DDX24: variants seen among roughly 807,000 people sequenced by gnomAD.
DDX24 encodes ATP-dependent RNA helicase DDX24.
In DDX24, 24 loss-of-function variants were observed where a neutral mutation model predicts 68.9. The observed-to-expected ratio is 0.35, with a 90% CI of 0.25 to 0.49. DDX24 has a LOEUF of 0.49. DDX24 is among the 20% of genes least tolerant of loss of function. The probability of loss-of-function intolerance (pLI) is 0.99; values close to 1 mark genes in which losing one functional copy is unlikely to be tolerated. For missense variants in DDX24, 989 were observed against 1,039.0 expected, an observed-to-expected ratio of 0.95 and a Z score of 0.66; for synonymous variants, 395 against 385.2, an observed-to-expected ratio of 1.03 and a Z score of -0.30.
intron 2 of DDX24, among the ~76,000 whole-genome samples, chr14:94,073,354 G>A (rs1885872231): frequency 2.0e-5 from 3 of 152,124 alleles, no homozygotes; most frequent in African/African-American, 4.8e-5. Context: ...CAAAGTGCTG[G>A]GATTACAGAT....
chr14:94,079,710 C>T lies in DDX24; in HGVS notation c.33G>A (p.Lys11=). 1 of 1,614,046 alleles carries T rather than the reference C, an allele frequency of 6.2e-7. No homozygotes were observed. The highest frequency in any genetic ancestry group is 8.5e-7 in the Non-Finnish European group (1 of 1,179,988). The change falls in exon 2 of 9, where the codon AAG becomes AAA. Residue 11 remains lysine (K), a synonymous_variant. Coordinates refer to ENST00000621632, the MANE Select transcript of DDX24 (RefSeq NM_020414.4). The part of the protein sequence containing the change: MKLKDTKSRP[K]QSSCGKFQTK... ...TCTGAAATTTGCCACAGCTTGACTGCTTTGGCCTTGATTTTGTGTCCTTCA... is the reference window on the plus strand; with the variant it reads ...TCTGAAATTTGCCACAGCTTGACTGTTTTGGCCTTGATTTTGTGTCCTTCA...
At chr14:94,053,456 A>G in intron 7 of DDX24, 5 of 204,658 alleles carry the variant, frequency 2.4e-5, no homozygotes, top group South Asian at 7.2e-5. Flanking sequence ...CAATCTTTCC[A>G]CTTCAGCCTC....
At chr14:94,073,086 C>CTTTT (rs10716706) in intron 2 of DDX24, among the ~76,000 whole-genome samples, 2 of 125,682 alleles carry the variant, frequency 1.6e-5, no homozygotes, top group African/African-American at 6.0e-5. Context: ...ATTTTCTTTT[C>CTTTT]TTTTTTTTTT....
At chr14:94,070,762 G>T (rs1407805342) in intron 2 of DDX24, among the ~76,000 whole-genome samples, 1 of 152,192 alleles carries the variant, frequency 6.6e-6, no homozygotes. Flanking sequence ...AGTGGGGAAA[G>T]GACATTGTTT....
chr14:94,050,423 G>A lies in DDX24; in HGVS notation c.*768C>T, dbSNP rs994544146. ...AGAAGGCCAAAAGGCAATCCAGACC[G>A]AGGGAAAAGCCTATTCTGCACAAAG... On this transcript the variant is annotated 3_prime_UTR_variant, in exon 9 of 9. Transcript: ENST00000621632. The A allele has an allele frequency of 1.3e-5, 2 of 152,372 alleles. No individual in the cohort carries two copies. Among genetic ancestry groups the A allele is most frequent in the Admixed American group, 6.5e-5 (1 of 15,284 alleles). The allele number at this position is 152,372 out of a possible 1,614,324, so 9.4% of individuals were successfully genotyped here. A position where few individuals can be genotyped will look rare whatever the true frequency, so the allele number is the denominator to read the frequency against.
chr14:94,078,989 C>G (rs1227717032), intron 2 of DDX24, 36 bp downstream of exon 2: 9 of 1,583,814 alleles, frequency 5.7e-6, no homozygotes, highest in African/African-American at 1.4e-5. Flanking sequence ...GGGCTCAATC[C>G]AGAAGCAATC....
At chr14:94,057,411 A>G (rs1363690438) in intron 6 of DDX24, 1 of 164,574 alleles carries the variant, frequency 6.1e-6, no homozygotes, top group East Asian at 1.7e-4. Context: ...CATTTAATAC[A>G]TGAGAAAACT....
chr14:94,066,605 C>T (rs1021746298), intron 2 of DDX24, among the ~76,000 whole-genome samples: 2 of 152,210 alleles, frequency 1.3e-5, no homozygotes, highest in South Asian at 2.1e-4. Context: ...CCATCTCCAC[C>T]GGAACAGGCG....
rs559352746 is a variant in DDX24, at chr14:94,050,217, T to G, written c.*974A>C. On this transcript the variant is annotated 3_prime_UTR_variant, in exon 9 of 9. Transcript: ENST00000621632. ...GGAAGTCCCTAGTTCCCTGAGCACA[T>G]ATTTATACCAGGCTGACCAAGCCTT... 1.3e-5 allele frequency: 2 copies of G among 152,172 alleles called. No individual in the cohort carries two copies. Among genetic ancestry groups the G allele is most frequent in the South Asian group, 2.1e-4 (1 of 4,830 alleles). 9.4% of individuals were successfully genotyped at this position (152,172 alleles called of 1,614,324 possible).
At chr14:94,068,411 A>T (rs1245464772) in intron 2 of DDX24, among the ~76,000 whole-genome samples, 1 of 152,236 alleles carries the variant, frequency 6.6e-6, no homozygotes, top group Non-Finnish European at 1.5e-5. Flanking sequence ...ACACAATAAT[A>T]GTGGGGGACT....
intron 1 of DDX24, among the ~76,000 whole-genome samples, chr14:94,080,655 A>T (rs538573917): frequency 8.0e-4 from 122 of 152,272 alleles, no homozygotes; most frequent in African/African-American, 2.8e-3. Context: ...CGAGGAGAGC[A>T]CGTTCGCACA....
At position 94,050,339 on chromosome 14, in the gene DDX24, A is replaced by T. The variant is rs1885365463; in HGVS notation, c.*852T>A. On this transcript the variant is annotated 3_prime_UTR_variant, in exon 9 of 9. Transcript: ENST00000621632. ...GGGACACTAAGGGAGCCCCAGGAGA[A>T]GCACTGCTTCCCCTTAGAGGCTCAG... is the stretch of plus-strand genomic sequence containing the variant. The T allele has an allele frequency of 6.6e-6, 1 of 152,290 alleles. No individual in the cohort carries two copies. The highest frequency in any genetic ancestry group is 1.5e-5 in the Non-Finnish European group (1 of 68,092). The allele number at this position is 152,290 out of a possible 1,614,324, so 9.4% of individuals were successfully genotyped here.
At chr14:94,058,683 A>G (rs1046964646) in intron 5 of DDX24, among the ~76,000 whole-genome samples, 2 of 152,178 alleles carry the variant, frequency 1.3e-5, no homozygotes, top group African/African-American at 4.8e-5. Flanking sequence ...GCTTCAAAAC[A>G]TAAGACTCTG....
chr14:94,050,885 T>TAAA lies in DDX24; in HGVS notation c.*303_*305dup, dbSNP rs34711184. The stretch of plus-strand genomic sequence containing the variant: ...TACACCACCACCCCCATCTTCTATC[T>TAAA]AAAAAAAAAAAAAAAAAATCAGGAT... On this transcript the variant is annotated 3_prime_UTR_variant, in exon 9 of 9. Coordinates refer to ENST00000621632, the MANE Select transcript of DDX24 (RefSeq NM_020414.4). 128 of 226,504 alleles carry TAAA rather than the reference T, an allele frequency of 5.7e-4. No individual in the cohort carries two copies. The highest frequency in any genetic ancestry group is 2.6e-3 in the East Asian group (31 of 11,960). The allele number at this position is 226,504 out of a possible 1,614,324, so 14.0% of individuals were successfully genotyped here.
chr14:94,051,477 C>CAA lies in DDX24; in HGVS notation c.2309-17_2309-16dup, dbSNP rs747363567. 2 of 1,519,298 alleles carry CAA rather than the reference C, an allele frequency of 1.3e-6. No individual in the cohort carries two copies. Among genetic ancestry groups the CAA allele is most frequent in the African/African-American group, 2.8e-5 (2 of 71,624 alleles). The allele number at this position is 1,519,298 out of a possible 1,614,324, so 94.1% of individuals were successfully genotyped here. The stretch of plus-strand genomic sequence containing the variant: ...AGCTTTTCCTCCTTGAAACACAATA[C>CAA]AAAAACGATCCTATTTACTATGGTT... On this transcript the variant is annotated splice_polypyrimidine_tract_variant and intron_variant, in intron 8 of 8. Transcript: ENST00000621632.
At chr14:94,072,880 CA>C (rs1316154529) in intron 2 of DDX24, among the ~76,000 whole-genome samples, 1 of 151,074 alleles carries the variant, frequency 6.6e-6, no homozygotes, top group Non-Finnish European at 1.5e-5. Context: ...ACCACTTGTA[CA>C]CCAATAACTT....
intron 5 of DDX24, 49 bp downstream of exon 5, chr14:94,060,049 C>A: frequency 6.4e-7 from 1 of 1,550,436 alleles, no homozygotes; most frequent in Non-Finnish European, 8.7e-7. Context: ...ACCCCTTTTA[C>A]CCCAGTAACT....
chr14:94,062,074 T>G (rs1335992836), intron 3 of DDX24, 23 bp downstream of exon 3: 2 of 1,572,202 alleles, frequency 1.3e-6, no homozygotes, highest in Non-Finnish European at 1.7e-6. Context: ...AGAAAATATT[T>G]ATTAAATGGA....
chr14:94,076,929 CCT>C (rs1490393467), intron 2 of DDX24, among the ~76,000 whole-genome samples: 1 of 152,168 alleles, frequency 6.6e-6, no homozygotes, highest in African/African-American at 2.4e-5. Flanking sequence ...ACCAACCCCT[CCT>C]CTTTCTACTC....
Sources: gnomAD v4.1 joint callset for allele counts (sites outside exome capture counted in the v4.1 genomes callset) on GRCh38, gnomAD v4.1.1 for gene constraint, MANE v1.5 for transcripts, NCBI Gene and HGNC (gene_info 2026-07-23, HGNC 2026-07-21) for gene names.